SEMA6D: variants seen among roughly 807,000 people sequenced by gnomAD.
The protein encoded by SEMA6D is semaphorin-6D.
In SEMA6D, 35 loss-of-function variants were observed where a neutral mutation model predicts 106.6. The ratio of observed to expected loss-of-function variants is 0.33; its 90% CI spans 0.25 to 0.44. The LOEUF (loss-of-function observed/expected upper bound fraction) is 0.44, where lower values mean the gene tolerates loss of function less well. Among genes scored for constraint, SEMA6D ranks in the 20% least tolerant of loss-of-function variants. SEMA6D has a pLI of 1.00. For missense variants in SEMA6D, 1,185 were observed against 1,345.9 expected (o/e 0.88, Z 1.87); for synonymous variants, 499 against 487.7 (o/e 1.02, Z -0.31).
intron 1 of SEMA6D, among the ~76,000 whole-genome samples, chr15:47,757,226 G>A (rs2081803986): frequency 6.6e-6 from 1 of 152,168 alleles, no homozygotes; most frequent in Non-Finnish European, 1.5e-5. Flanking sequence ...TACCTGTCAT[G>A]GAGGAGAAAG....
intron 3 of SEMA6D, among the ~76,000 whole-genome samples, chr15:47,537,884 C>T (rs914983582): frequency 6.6e-6 from 1 of 152,088 alleles, no homozygotes; most frequent in Admixed American, 6.6e-5. Context: ...AGTTTGGTTT[C>T]GAATGTGTGG....
At chr15:47,653,262 C>T (rs1459560671) in intron 4 of SEMA6D, among the ~76,000 whole-genome samples, 8 of 152,124 alleles carry the variant, frequency 5.3e-5, no homozygotes, top group African/African-American at 1.9e-4. Flanking sequence ...TGAAGCTATT[C>T]GCATGTAAGC....
chr15:47,567,590 C>T (rs2046264734), intron 3 of SEMA6D, among the ~76,000 whole-genome samples: 1 of 152,210 alleles, frequency 6.6e-6, no homozygotes, highest in African/African-American at 2.4e-5. Context: ...TCTTTGAAAA[C>T]CCATTCCTGG....
intron 4 of SEMA6D, among the ~76,000 whole-genome samples, chr15:47,698,201 T>A (rs2078738845): frequency 6.6e-6 from 1 of 152,192 alleles, no homozygotes; most frequent in African/African-American, 2.4e-5. Flanking sequence ...ACTTAAATAT[T>A]TCTCATGGTG....
intron 1 of SEMA6D, among the ~76,000 whole-genome samples, chr15:47,298,100 G>A (rs2035874865): frequency 6.6e-6 from 1 of 152,156 alleles, no homozygotes; most frequent in Non-Finnish European, 1.5e-5. Flanking sequence ...ACTTTAAAAG[G>A]GAACAGTTAA....
chr15:47,517,401 T>A (rs2044423579), intron 3 of SEMA6D, among the ~76,000 whole-genome samples: 1 of 152,132 alleles, frequency 6.6e-6, no homozygotes, highest in African/African-American at 2.4e-5. Flanking sequence ...TGCGTGTGTG[T>A]GTTTATATGG....
intron 3 of SEMA6D, among the ~76,000 whole-genome samples, chr15:47,536,742 T>C (rs1204939137): frequency 2.0e-5 from 3 of 152,228 alleles, no homozygotes; most frequent in Admixed American, 6.5e-5. Context: ...AATCATAATG[T>C]ATTTAGGTCA....
At chr15:47,263,427 G>A (rs997802873) in intron 1 of SEMA6D, among the ~76,000 whole-genome samples, 30 of 151,942 alleles carry the variant, frequency 2.0e-4, no homozygotes, top group African/African-American at 7.2e-4. Flanking sequence ...TATACATGAG[G>A]CCAACAATCA....
intron 4 of SEMA6D, among the ~76,000 whole-genome samples, chr15:47,647,202 A>G (rs2077596124): frequency 6.6e-6 from 1 of 152,162 alleles, no homozygotes; most frequent in African/African-American, 2.4e-5. Flanking sequence ...GTACTTTACA[A>G]TGTAATAGGC....
At chr15:47,423,796 G>GGT (rs1193604947) in intron 2 of SEMA6D, among the ~76,000 whole-genome samples, 2 of 151,940 alleles carry the variant, frequency 1.3e-5, no homozygotes, top group East Asian at 1.9e-4. Context: ...TGCAGGGACA[G>GGT]GTATGTGTCT....
intron 2 of SEMA6D, among the ~76,000 whole-genome samples, chr15:47,462,381 A>T (rs1371566923): frequency 6.6e-6 from 1 of 152,120 alleles, no homozygotes; most frequent in Admixed American, 6.6e-5. Context: ...ATGTTGCCTC[A>T]CCAGCAATTC....
At chr15:47,747,443 G>T (rs1210035316) in intron 1 of SEMA6D, among the ~76,000 whole-genome samples, 1 of 152,168 alleles carries the variant, frequency 6.6e-6, no homozygotes, top group Non-Finnish European at 1.5e-5. Flanking sequence ...TACTGATTCA[G>T]ATATTGGTGT....
chr15:47,346,713 C>T (rs977660976), intron 1 of SEMA6D, among the ~76,000 whole-genome samples: 1 of 151,970 alleles, frequency 6.6e-6, no homozygotes, highest in Non-Finnish European at 1.5e-5. Flanking sequence ...CACATCTTTT[C>T]ATCTAAGAAT....
chr15:47,742,428 C>T (rs893994560), intron 1 of SEMA6D, among the ~76,000 whole-genome samples: 17 of 152,130 alleles, frequency 1.1e-4, no homozygotes, highest in African/African-American at 4.1e-4. Context: ...CTGTCCTTCA[C>T]ACTGGCCTCC....
At chr15:47,636,106 G>A (rs2077384171) in intron 4 of SEMA6D, among the ~76,000 whole-genome samples, 1 of 152,086 alleles carries the variant, frequency 6.6e-6, no homozygotes, top group South Asian at 2.1e-4. Flanking sequence ...GAGCAGGATT[G>A]ACTAAACCAG....
At chr15:47,741,641 G>C (rs1469476475) in intron 1 of SEMA6D, among the ~76,000 whole-genome samples, 1 of 152,156 alleles carries the variant, frequency 6.6e-6, no homozygotes, top group Admixed American at 6.5e-5. Context: ...TTGAACCCAG[G>C]AAGTGAAGGT....
At chr15:47,608,249 T>G (rs577013417) in intron 4 of SEMA6D, among the ~76,000 whole-genome samples, 5 of 152,340 alleles carry the variant, frequency 3.3e-5, no homozygotes, top group African/African-American at 4.8e-5. Context: ...GATTACTGAT[T>G]CATAAACTTC....
intron 1 of SEMA6D, among the ~76,000 whole-genome samples, chr15:47,742,344 C>A (rs1038043569): frequency 1.3e-5 from 2 of 152,130 alleles, no homozygotes. Flanking sequence ...ATCCTTCCCT[C>A]ATCTCAGAAG....
At chr15:47,736,526 G>T (rs2080455481) in intron 1 of SEMA6D, among the ~76,000 whole-genome samples, 1 of 152,182 alleles carries the variant, frequency 6.6e-6, no homozygotes, top group Non-Finnish European at 1.5e-5. Flanking sequence ...TACATATCCA[G>T]ATAGGAATTT....
Sources: allele counts gnomAD v4.1 joint callset (sites outside exome capture counted in the v4.1 genomes callset), GRCh38; gene constraint gnomAD v4.1.1; transcripts MANE v1.5; gene names NCBI Gene and HGNC (gene_info 2026-07-23, HGNC 2026-07-21).